Variants in ZFHX2 observed in about 807,000 individuals in gnomAD.
ZFHX2 encodes the protein zinc finger homeobox 2, also known as zinc finger homeobox protein 2.
In ZFHX2, 75 loss-of-function variants were observed where a neutral mutation model predicts 164.8. That is an observed-to-expected ratio of 0.46 (90% CI 0.38 to 0.55). The LOEUF is 0.55. Ranked by LOEUF, ZFHX2 falls within the 20% of genes least tolerant of loss-of-function variation. ZFHX2 has a pLI of 0.00. For missense variants in ZFHX2, 2,933 were observed against 3,308.0 expected, an observed-to-expected ratio of 0.89 and a Z score of 2.78; for synonymous variants, 1,217 against 1,351.4, an observed-to-expected ratio of 0.90 and a Z score of 2.18.
upstream of ZFHX2, among the ~76,000 whole-genome samples, chr14:23,554,481 A>C (rs890775955): frequency 6.6e-6 from 1 of 151,824 alleles, no homozygotes; most frequent in Non-Finnish European, 1.5e-5. Context: ...GGCTCAAGCT[A>C]TCCCGCTGCC....
intron 1 of ZFHX2, among the ~76,000 whole-genome samples, chr14:23,539,566 C>A (rs980329838): frequency 2.6e-5 from 4 of 152,110 alleles, no homozygotes; most frequent in African/African-American, 9.7e-5. Flanking sequence ...AGACAAAGGG[C>A]ATGGGCAAAG....
In ZFHX2 at chr14:23,526,057, G is replaced by C; in HGVS notation, c.3885C>G (p.Pro1295=). ...CCTCCCCCTCTGTCTCGCCTTCCTT[G>C]GGCTCTTCTTGGCTGCGTTCTGGCC... The part of the protein sequence containing the change: ...IEGPERSQEE[P]KEGETEGEVG... Residue 1295 remains proline, a synonymous_variant, in exon 9 of 10, where the codon CCC becomes CCG. Coordinates refer to ENST00000419474, the MANE Select transcript of ZFHX2 (RefSeq NM_033400.3). 2 of 1,536,472 alleles carry C rather than the reference G, an allele frequency of 1.3e-6. No homozygotes were observed. Among genetic ancestry groups the C allele is most frequent in the Non-Finnish European group, 8.7e-7 (1 of 1,146,944 alleles).
chr14:23,540,046 G>A (rs1163093486), intron 1 of ZFHX2, among the ~76,000 whole-genome samples: 1 of 152,202 alleles, frequency 6.6e-6, no homozygotes, highest in Non-Finnish European at 1.5e-5. Flanking sequence ...GGAGTGCAGT[G>A]TCACCATCTT....
In ZFHX2 at chr14:23,523,944, G is replaced by T; in HGVS notation, c.5998C>A (p.Pro2000Thr). ...TCTTCCTCACTGGGTGGAGGGGGAG[G>T]TAGGAGAGGTAGAGGTGGCTCTGGT... ...PTPEPPLPLL[P>T]PPPPSEEEGP... is the part of the protein sequence containing the mutation. The change falls in exon 9 of 10, where the codon CCT becomes ACT. Residue 2000 changes from proline (P) to threonine (T), a missense_variant. By Grantham distance (38) the Pro-to-Thr change is conservative. Transcript: ENST00000419474. The surrounding 1 kb of genome is among the most constrained non-coding windows in gnomAD (Gnocchi z 4.1). 1 of 1,536,000 alleles carries T rather than the reference G, an allele frequency of 6.5e-7. No individual in the cohort carries two copies. Among genetic ancestry groups the T allele is most frequent in the Non-Finnish European group, 8.7e-7 (1 of 1,146,754 alleles).
Position 23,523,697 on chromosome 14 carries a change from G to T in ZFHX2, c.6245C>A (p.Ala2082Asp), listed in dbSNP as rs1447767127. The T allele has an allele frequency of 6.5e-7, 1 of 1,537,172 alleles. No individual in the cohort carries two copies. Among genetic ancestry groups the T allele is most frequent in the Admixed American group, 2.0e-5 (1 of 51,054 alleles). The change falls in exon 9 of 10, where the codon GCC becomes GAC. Residue 2082 changes from alanine to aspartate, a missense_variant. Physicochemically the swap from Ala to Asp is moderately radical, Grantham distance 126. Transcript: ENST00000419474. This position sits in a 1 kb window ranked among gnomAD's most constrained non-coding sequence, Gnocchi z 4.1. Reference sequence around the variant, plus strand: ...GGGGGTGCGGTAAGCTTCATAGCAGGCTTTCATGATCTTCAGCTGCAGGCT... The same window carrying T: ...GGGGGTGCGGTAAGCTTCATAGCAGTCTTTCATGATCTTCAGCTGCAGGCT... The part of the protein sequence containing the change: ...MSSLQLKIMK[A>D]CYEAYRTPTM...
At chr14:23,545,836 G>A (rs1881327273) in intron 1 of ZFHX2, among the ~76,000 whole-genome samples, 1 of 152,176 alleles carries the variant, frequency 6.6e-6, no homozygotes, top group Admixed American at 6.5e-5. Flanking sequence ...TGAGATTAGG[G>A]AAAGAAAAGG....
At position 23,523,905 on chromosome 14, in the gene ZFHX2, G is replaced by A; in HGVS notation, c.6037C>T (p.Pro2013Ser). ...PPSEEEGPEE[P>S]PKASPESEAC... ...TCACTCTCTGGAGAAGCTTTAGGTG[G>A]TTCCTCTGGGCCCTCTTCCTCACTG... The change falls in exon 9 of 10, where the codon CCA becomes TCA. Residue 2013 changes from proline to serine, a missense_variant. Physicochemically the swap from Pro to Ser is moderately conservative, Grantham distance 74. Transcript: ENST00000419474. The surrounding 1 kb of genome is among the most constrained non-coding windows in gnomAD (Gnocchi z 4.1). 1.3e-6 allele frequency: 2 copies of A among 1,536,242 alleles called. No individual in the cohort carries two copies. Among genetic ancestry groups the A allele is most frequent in the Non-Finnish European group, 1.7e-6 (2 of 1,146,920 alleles).
At chr14:23,528,024 C>T (rs1358070279) in intron 6 of ZFHX2, among the ~76,000 whole-genome samples, 1 of 151,758 alleles carries the variant, frequency 6.6e-6, no homozygotes, top group Non-Finnish European at 1.5e-5. Context: ...CTCCTGCCCT[C>T]AGCCTCCCAA....
rs1294423240 is a variant in ZFHX2, at chr14:23,525,946, C to T, written c.3996G>A (p.Leu1332=). ...TGAAGAGAGGGGCTGGGAATCGGTG[C>T]AGGTCCAAGGGAGGTGGGGGAGGGG... ...FLSPPPPPLD[L]HRFPAPLFTP... is the part of the protein sequence containing the mutation. Residue 1332 remains leucine, a synonymous_variant, in exon 9 of 10, where the codon CTG becomes CTA. Transcript: ENST00000419474. This position sits in a 1 kb window ranked among gnomAD's most constrained non-coding sequence, Gnocchi z 5.9. 1.0e-5 allele frequency: 15 copies of T among 1,483,878 alleles called. No individual in the cohort carries two copies. The highest frequency in any genetic ancestry group is 1.3e-5 in the Non-Finnish European group (15 of 1,121,022). The allele number at this position is 1,483,878 out of a possible 1,614,324, so 91.9% of individuals were successfully genotyped here.
Position 23,533,173 on chromosome 14 carries a change from G to T in ZFHX2, c.2042-89C>A. Reference sequence around the variant, plus strand: ...GGGAGGTGGGTTAATGAGTAGGATAGTGCTCAGAGGGACTTATGGTTACCT... The same window carrying T: ...GGGAGGTGGGTTAATGAGTAGGATATTGCTCAGAGGGACTTATGGTTACCT... On this transcript the variant is annotated intron_variant, in intron 2 of 9. Coordinates refer to ENST00000419474, the MANE Select transcript of ZFHX2 (RefSeq NM_033400.3). This position sits in a 1 kb window ranked among gnomAD's most constrained non-coding sequence, Gnocchi z 4.8. The T allele has an allele frequency of 6.9e-7, 1 of 1,441,564 alleles. No homozygotes were observed. The allele number at this position is 1,441,564 out of a possible 1,614,324, so 89.3% of individuals were successfully genotyped here. A position where few individuals can be genotyped will look rare whatever the true frequency, so the allele number is the denominator to read the frequency against.
upstream of ZFHX2, among the ~76,000 whole-genome samples, chr14:23,555,177 G>A (rs1423970406): frequency 2.6e-5 from 4 of 151,746 alleles, no homozygotes. Context: ...TAGTAGAGAC[G>A]GCGGGCCGGG....
Position 23,547,403 on chromosome 14 carries a change from G to A in ZFHX2, c.-50+3940C>T, listed in dbSNP as rs536850524. On this transcript the variant is annotated intron_variant, in intron 1 of 9. Transcript: ENST00000419474. ...AATTGTAGTTTCATGATTGGGAATG[G>A]GGTGGGGATGCTACTTTTAATTCAC... 2.8e-4 allele frequency among the ~76,000 whole-genome samples: 43 copies of A among 152,374 alleles called. No individual in the cohort carries two copies. The South Asian group carries it at 8.9e-3, about 32-fold the overall frequency.
intron 1 of ZFHX2, among the ~76,000 whole-genome samples, chr14:23,537,022 C>A (rs374725048): frequency 2.0e-5 from 3 of 152,076 alleles, no homozygotes; most frequent in Non-Finnish European, 4.4e-5. Flanking sequence ...TGCCTGTAAT[C>A]CCAGCTACTC....
chr14:23,547,239 C>A (rs2138911087), intron 1 of ZFHX2, among the ~76,000 whole-genome samples: 1 of 152,344 alleles, frequency 6.6e-6, no homozygotes, highest in African/African-American at 2.4e-5. Context: ...CCTCCTTTGG[C>A]CTTTTGGCCC....
Position 23,524,130 on chromosome 14 carries a change from C to A in ZFHX2, c.5812G>T (p.Ala1938Ser), listed in dbSNP as rs1201554310. The A allele has an allele frequency of 6.5e-7, 1 of 1,535,944 alleles. No individual in the cohort carries two copies. Among genetic ancestry groups the A allele is most frequent in the Non-Finnish European group, 8.7e-7 (1 of 1,146,766 alleles). Residue 1938 changes from alanine to serine, a missense_variant, in exon 9 of 10, where the codon GCA becomes TCA. Physicochemically the swap from Ala to Ser is moderately conservative, Grantham distance 99. Transcript: ENST00000419474. The surrounding 1 kb of genome is among the most constrained non-coding windows in gnomAD (Gnocchi z 5.6). ...AVKPPATATP[A>S]SLPKFNLLLG... ...AAGAGGTTGAACTTGGGCAAGGATG[C>A]AGGGGTGGCTGTGGCAGGCGGTTTC...
chr14:23,528,577 T>C (rs943322005), intron 6 of ZFHX2: 62 of 984,360 alleles, frequency 6.3e-5, no homozygotes, highest in Non-Finnish European at 7.4e-5. Flanking sequence ...AGAGGCTCCC[T>C]TGTCCCTGCC....
chr14:23,524,479 G>T lies in ZFHX2; in HGVS notation c.5463C>A (p.Ala1821=), dbSNP rs1460606432. The part of the protein sequence containing the change: ...VFGERNPLVA[A]TSPMPGPPLK... ...GAGGTGGACCTGGCATTGGTGAGGT[G>T]GCTGCCACCAGGGGGTTTCTCTCCC... The change falls in exon 9 of 10, where the codon GCC becomes GCA. Residue 1821 remains alanine, a synonymous_variant. Coordinates refer to ENST00000419474, the MANE Select transcript of ZFHX2 (RefSeq NM_033400.3). The surrounding 1 kb of genome is among the most constrained non-coding windows in gnomAD (Gnocchi z 5.6). 1 of 1,532,302 alleles carries T rather than the reference G, an allele frequency of 6.5e-7. No homozygotes were observed. The allele number at this position is 1,532,302 out of a possible 1,614,324, so 94.9% of individuals were successfully genotyped here.
rs1878378972 is a variant in ZFHX2 at position 23,523,987 on chromosome 14, T to C, written c.5955A>G (p.Lys1985=). Reference sequence around the variant, plus strand: ...GCTCTGGTGTTGGGGTGGTGGCCTCTTTCCCAGGTGGTAGGAAAGGCTGGG... The same window carrying C: ...GCTCTGGTGTTGGGGTGGTGGCCTCCTTCCCAGGTGGTAGGAAAGGCTGGG... ...SGPQPFLPPG[K]EATTPTPEPP... The change falls in exon 9 of 10, where the codon AAA becomes AAG. Residue 1985 remains lysine (K), a synonymous_variant. Transcript: ENST00000419474. This position sits in a 1 kb window ranked among gnomAD's most constrained non-coding sequence, Gnocchi z 4.1. 2 of 1,525,288 alleles carry C rather than the reference T, an allele frequency of 1.3e-6. No individual in the cohort carries two copies. Among genetic ancestry groups the C allele is most frequent in the East Asian group, 4.9e-5 (2 of 40,710 alleles). 94.5% of individuals were successfully genotyped at this position (1,525,288 alleles called of 1,614,324 possible).
Position 23,526,557 on chromosome 14 carries a change from G to A in ZFHX2, c.3385C>T (p.Pro1129Ser). The A allele has an allele frequency of 6.5e-7, 1 of 1,535,976 alleles. No individual in the cohort carries two copies. Among genetic ancestry groups the A allele is most frequent in the Non-Finnish European group, 8.7e-7 (1 of 1,146,844 alleles). The change falls in exon 9 of 10, where the codon CCA becomes TCA. Residue 1129 changes from proline (P) to serine (S), a missense_variant. Pro to Ser is a moderately conservative substitution (Grantham distance 74). Transcript: ENST00000419474. ...PGQPPSPAPS[P>S]VPEPDAQAED... Reference sequence around the variant, plus strand: ...GCTTGGGCATCAGGTTCAGGGACTGGAGATGGGGCTGGAGAAGGGGGTTGG... The same window carrying A: ...GCTTGGGCATCAGGTTCAGGGACTGAAGATGGGGCTGGAGAAGGGGGTTGG...
Sources: allele counts gnomAD v4.1 joint callset (sites outside exome capture counted in the v4.1 genomes callset), GRCh38; gene constraint gnomAD v4.1.1; non-coding constraint Gnocchi (gnomAD v3.1); transcripts MANE v1.5; gene names NCBI Gene and HGNC (gene_info 2026-07-23, HGNC 2026-07-21).